Variants in PSD3 observed in about 807,000 individuals in gnomAD.
PSD3 encodes the protein PH and SEC7 domain-containing protein 3.
Under a neutral mutation model 105.5 loss-of-function variants are expected in PSD3, and 49 were observed. The observed-to-expected ratio is 0.46, with a 90% CI of 0.37 to 0.59. The LOEUF is 0.59. PSD3 is among the 20% of genes least tolerant of loss of function. The probability of loss-of-function intolerance (pLI) is 0.00; values close to 1 mark genes in which losing one functional copy is unlikely to be tolerated. For synonymous variants in PSD3, 557 were observed against 457.8 expected (o/e 1.22, Z -2.77); for missense variants, 1,561 against 1,263.8 (o/e 1.24, Z -3.57).
At chr8:19,030,663 G>A (rs1047061492) in intron 1 of PSD3, among the ~76,000 whole-genome samples, 13 of 152,056 alleles carry the variant, frequency 8.5e-5, no homozygotes, top group African/African-American at 3.1e-4. Flanking sequence ...CCAGCTTCCT[G>A]TACAGTCTAC....
chr8:18,714,022 C>G (rs1282554438), intron 9 of PSD3, among the ~76,000 whole-genome samples: 1 of 152,134 alleles, frequency 6.6e-6, no homozygotes, highest in Non-Finnish European at 1.5e-5. Context: ...CAAAAGCAGG[C>G]AATGGGGAAA....
intron 1 of PSD3, among the ~76,000 whole-genome samples, chr8:18,943,490 G>C (rs1318021320): frequency 2.6e-5 from 4 of 152,082 alleles, no homozygotes. Flanking sequence ...ACTGACACAG[G>C]AGACCACAGG....
At chr8:18,879,155 T>C (rs1323840860) in intron 2 of PSD3, among the ~76,000 whole-genome samples, 2 of 151,860 alleles carry the variant, frequency 1.3e-5, no homozygotes, top group Non-Finnish European at 2.9e-5. Context: ...CAGAGAATTC[T>C]GATAATTCCT....
chr8:18,930,228 T>C (rs1821651386), intron 2 of PSD3, among the ~76,000 whole-genome samples: 1 of 152,132 alleles, frequency 6.6e-6, no homozygotes, highest in Admixed American at 6.5e-5. Context: ...TCCATAGAGA[T>C]AGAGCCAATT....
chr8:18,598,484 G>A (rs1804201191), intron 12 of PSD3, among the ~76,000 whole-genome samples: 1 of 151,730 alleles, frequency 6.6e-6, no homozygotes, highest in Admixed American at 6.6e-5. Flanking sequence ...GGGATGTAAA[G>A]GTGGTTCAAC....
intron 9 of PSD3, among the ~76,000 whole-genome samples, chr8:18,686,124 G>C (rs1563170768): frequency 6.6e-6 from 1 of 152,178 alleles, no homozygotes; most frequent in Non-Finnish European, 1.5e-5. Context: ...GGGAGGTTTA[G>C]CAGAAGGACG....
chr8:18,893,544 T>C lies in PSD3; in HGVS notation c.131-20811A>G, dbSNP rs17127414. On this transcript the variant is annotated intron_variant, in intron 2 of 15. Coordinates refer to ENST00000327040, the MANE Select transcript of PSD3 (RefSeq NM_015310.4). ...ATTTTCTTCAAACAGTCTAGTTTCGTCTCAAGTATCAAGTAAAGTGAAATG... is the reference window on the plus strand; with the variant it reads ...ATTTTCTTCAAACAGTCTAGTTTCGCCTCAAGTATCAAGTAAAGTGAAATG... Among the ~76,000 whole-genome samples, 1,248 of 152,328 alleles carry C rather than the reference T, an allele frequency of 8.2e-3. 38 individuals are homozygous for C. The highest frequency in any genetic ancestry group is 0.057 in the Admixed American group (870 of 15,284).
chr8:18,857,558 G>A (rs577802200), intron 4 of PSD3, among the ~76,000 whole-genome samples: 1 of 152,354 alleles, frequency 6.6e-6, no homozygotes, highest in South Asian at 2.1e-4. Context: ...GAAGCTTACA[G>A]AGCTCCCTGT....
chr8:19,070,814 C>A (rs1378426488), intron 1 of PSD3, among the ~76,000 whole-genome samples: 2 of 152,238 alleles, frequency 1.3e-5, no homozygotes, highest in African/African-American at 4.8e-5. Flanking sequence ...TGGAACTCAG[C>A]ACTAACCAAG....
chr8:18,997,711 G>C (rs1397704834), intron 1 of PSD3, among the ~76,000 whole-genome samples: 3 of 152,004 alleles, frequency 2.0e-5, no homozygotes, highest in Non-Finnish European at 4.4e-5. Flanking sequence ...CCTGTTCCTG[G>C]AAGGCAGGAA....
chr8:18,685,498 A>AT (rs1283399986), intron 9 of PSD3, among the ~76,000 whole-genome samples: 2 of 152,096 alleles, frequency 1.3e-5, no homozygotes, highest in Non-Finnish European at 2.9e-5. Context: ...AGACATTAAT[A>AT]TTGGTAAAAT....
chr8:18,585,541 C>T (rs1329425298), intron 12 of PSD3, among the ~76,000 whole-genome samples: 1 of 152,048 alleles, frequency 6.6e-6, no homozygotes, highest in Admixed American at 6.6e-5. Flanking sequence ...TGGTCTTGAA[C>T]CCTTGGGCTT....
At chr8:18,715,188 T>G (rs1313630511) in intron 9 of PSD3, among the ~76,000 whole-genome samples, 1 of 152,120 alleles carries the variant, frequency 6.6e-6, no homozygotes, top group Non-Finnish European at 1.5e-5. Context: ...GCTTAATACT[T>G]AGGTGATGGG....
intron 1 of PSD3, among the ~76,000 whole-genome samples, chr8:19,022,031 G>A (rs188614426): frequency 1.2e-3 from 190 of 152,336 alleles, no homozygotes; most frequent in African/African-American, 4.3e-3. Flanking sequence ...GACTCAGGAA[G>A]CTTATAACTA....
At chr8:18,690,127 A>T (rs1286392040) in intron 9 of PSD3, among the ~76,000 whole-genome samples, 1 of 152,190 alleles carries the variant, frequency 6.6e-6, no homozygotes, top group Non-Finnish European at 1.5e-5. Context: ...GACTGACTCT[A>T]GAAGTGAAAT....
At chr8:18,599,087 T>A (rs551930613) in intron 12 of PSD3, among the ~76,000 whole-genome samples, 1 of 152,238 alleles carries the variant, frequency 6.6e-6, no homozygotes, top group East Asian at 1.9e-4. Flanking sequence ...ACTCTGAATC[T>A]CTGAATAAGC....
intron 10 of PSD3, 65 bp from the exon 11 acceptor site, chr8:18,632,871 G>C (rs1807001918): frequency 3.1e-6 from 4 of 1,300,848 alleles, no homozygotes; most frequent in Non-Finnish European, 4.2e-6. Flanking sequence ...AAAAAGGTAA[G>C]TTATTGTAAA....
At chr8:18,739,472 T>A (rs182179586) in intron 9 of PSD3, among the ~76,000 whole-genome samples, 49 of 152,276 alleles carry the variant, frequency 3.2e-4, no homozygotes, top group African/African-American at 1.1e-3. Context: ...TTCTAAAACA[T>A]CTGTTTTATT....
intron 15 of PSD3, among the ~76,000 whole-genome samples, chr8:18,539,467 G>C (rs958856284): frequency 6.6e-6 from 1 of 151,798 alleles, no homozygotes. Context: ...TCCTAAGACC[G>C]ATTGTGAAAT....
Sources: gnomAD v4.1 joint callset for allele counts (sites outside exome capture counted in the v4.1 genomes callset) on GRCh38, gnomAD v4.1.1 for gene constraint, MANE v1.5 for transcripts, NCBI Gene and HGNC (gene_info 2026-07-23, HGNC 2026-07-21) for gene names.